GALNTL6: variants seen among roughly 807,000 people sequenced by gnomAD.
The protein encoded by GALNTL6 is polypeptide N-acetylgalactosaminyltransferase-like 6.
A neutral mutation model predicts 73.7 loss-of-function variants in GALNTL6; 46 were observed. The ratio of observed to expected loss-of-function variants is 0.62; its 90% CI spans 0.49 to 0.80. The LOEUF (loss-of-function observed/expected upper bound fraction) is 0.80, where lower values mean the gene tolerates loss of function less well. Among genes scored for constraint, GALNTL6 ranks in the 30% least tolerant of loss-of-function variants. The pLI, the probability that GALNTL6 is intolerant of heterozygous loss-of-function variation, is 0.00. For missense variants in GALNTL6, 604 were observed against 755.0 expected, an observed-to-expected ratio of 0.80 and a Z score of 2.34; for synonymous variants, 259 against 263.7, an observed-to-expected ratio of 0.98 and a Z score of 0.17.
chr4:172,156,026 A>G (rs1375472396), intron 2 of GALNTL6, among the ~76,000 whole-genome samples: 2 of 152,060 alleles, frequency 1.3e-5, no homozygotes, highest in African/African-American at 4.8e-5. Context: ...GAACGTGCCA[A>G]CAGACAACAG....
intron 5 of GALNTL6, among the ~76,000 whole-genome samples, chr4:172,390,941 G>GA (rs946531617): frequency 1.3e-5 from 2 of 151,736 alleles, no homozygotes; most frequent in African/African-American, 4.8e-5. Context: ...GCACTCTTAT[G>GA]AAAAAAAATA....
intron 9 of GALNTL6, among the ~76,000 whole-genome samples, chr4:172,951,201 G>A (rs188184169): frequency 6.6e-6 from 1 of 152,262 alleles, no homozygotes; most frequent in East Asian, 1.9e-4. Flanking sequence ...AGTGCTTTAC[G>A]GGTGTTGCCT....
At chr4:173,032,030 G>T (rs530563600) in intron 12 of GALNTL6, among the ~76,000 whole-genome samples, 63 of 152,358 alleles carry the variant, frequency 4.1e-4, no homozygotes, top group African/African-American at 1.4e-3. Flanking sequence ...ATCAACTTGT[G>T]CAAGGCCCTG....
intron 2 of GALNTL6, among the ~76,000 whole-genome samples, chr4:172,165,972 T>TA (rs571493613): frequency 1.3e-5 from 2 of 152,024 alleles, no homozygotes; most frequent in South Asian, 2.1e-4. Flanking sequence ...TCCACTGCAT[T>TA]AAAAAAATAA....
chr4:172,860,709 G>C (rs375807495), intron 7 of GALNTL6, among the ~76,000 whole-genome samples: 11 of 152,186 alleles, frequency 7.2e-5, no homozygotes, highest in South Asian at 4.1e-4. Context: ...TAATATTTAC[G>C]AGGAAAATAT....
intron 2 of GALNTL6, among the ~76,000 whole-genome samples, chr4:172,132,087 G>T (rs1163629561): frequency 2.6e-5 from 4 of 151,928 alleles, no homozygotes; most frequent in Non-Finnish European, 4.4e-5. Context: ...TCTTGGAAGA[G>T]ATATTTTATT....
chr4:172,240,232 GTTTGTT>G (rs1430549998), intron 3 of GALNTL6, among the ~76,000 whole-genome samples: 1 of 151,706 alleles, frequency 6.6e-6, no homozygotes, highest in Admixed American at 6.6e-5. Flanking sequence ...TTGTTTGTTT[GTTTGTT>G]TTTGAGATGG....
chr4:172,175,009 A>G (rs906242883), intron 2 of GALNTL6, among the ~76,000 whole-genome samples: 1 of 152,206 alleles, frequency 6.6e-6, no homozygotes, highest in South Asian at 2.1e-4. Flanking sequence ...CTTAACATGC[A>G]CTGCATATAC....
At chr4:172,145,342 G>A (rs546219191) in intron 2 of GALNTL6, among the ~76,000 whole-genome samples, 2 of 151,964 alleles carry the variant, frequency 1.3e-5, no homozygotes, top group Admixed American at 6.6e-5. Flanking sequence ...TGGTTTCACC[G>A]TGTTAGCCAG....
chr4:172,310,762 C>G (rs952700579), intron 3 of GALNTL6, among the ~76,000 whole-genome samples: 1 of 151,610 alleles, frequency 6.6e-6, no homozygotes, highest in Non-Finnish European at 1.5e-5. Context: ...CTAGGGAAGG[C>G]CTTCTTTGTA....
At chr4:172,893,435 A>G (rs1484851927) in intron 8 of GALNTL6, among the ~76,000 whole-genome samples, 2 of 151,130 alleles carry the variant, frequency 1.3e-5, no homozygotes, top group African/African-American at 4.9e-5. Context: ...GAGTTTTGGG[A>G]CCACACCTAC....
chr4:172,127,254 T>C (rs369700149), intron 2 of GALNTL6, among the ~76,000 whole-genome samples: 7 of 152,350 alleles, frequency 4.6e-5, no homozygotes, highest in African/African-American at 1.7e-4. Flanking sequence ...AGCCTGGCTC[T>C]ACCCCTCAGT....
chr4:172,432,944 A>G (rs1230516314), intron 5 of GALNTL6, among the ~76,000 whole-genome samples: 1 of 152,212 alleles, frequency 6.6e-6, no homozygotes, highest in Non-Finnish European at 1.5e-5. Context: ...GATCAAGCCA[A>G]GTAAATTCAT....
At chr4:173,035,852 G>C (rs551145647) in intron 12 of GALNTL6, among the ~76,000 whole-genome samples, 1 of 152,130 alleles carries the variant, frequency 6.6e-6, no homozygotes, top group Non-Finnish European at 1.5e-5. Flanking sequence ...ATTTGGTGTC[G>C]AATAGCTGGT....
chr4:172,799,273 C>A (rs1390248341), intron 5 of GALNTL6, among the ~76,000 whole-genome samples: 10 of 152,164 alleles, frequency 6.6e-5, no homozygotes. Flanking sequence ...TAGATTTAGA[C>A]TGGAAGCTGA....
At chr4:172,980,307 T>A (rs1381659021) in intron 10 of GALNTL6, among the ~76,000 whole-genome samples, 3 of 152,230 alleles carry the variant, frequency 2.0e-5, no homozygotes, top group Non-Finnish European at 4.4e-5. Context: ...GCCATTTTAA[T>A]CAGTGGCATA....
intron 2 of GALNTL6, among the ~76,000 whole-genome samples, chr4:172,149,285 C>T (rs1042927344): frequency 6.6e-6 from 1 of 152,096 alleles, no homozygotes; most frequent in Non-Finnish European, 1.5e-5. Context: ...ATGTAATACA[C>T]CTACACACTG....
intron 2 of GALNTL6, among the ~76,000 whole-genome samples, chr4:171,882,055 C>T (rs961316868): frequency 4.6e-5 from 7 of 152,202 alleles, no homozygotes; most frequent in Admixed American, 3.9e-4. Context: ...CTCTAGTTCT[C>T]TTGATACCAT....
At chr4:172,592,716 C>CGAGA (rs1553963437) in intron 5 of GALNTL6, among the ~76,000 whole-genome samples, 4 of 151,536 alleles carry the variant, frequency 2.6e-5, no homozygotes, top group East Asian at 3.9e-4. Context: ...ATCTATCTAT[C>CGAGA]GAGAGAGACT....
Sources: gnomAD v4.1 joint callset for allele counts (sites outside exome capture counted in the v4.1 genomes callset) on GRCh38, gnomAD v4.1.1 for gene constraint, MANE v1.5 for transcripts, NCBI Gene and HGNC (gene_info 2026-07-23, HGNC 2026-07-21) for gene names.